P4HA3: variants seen among roughly 807,000 people sequenced by gnomAD.
P4HA3 encodes the protein prolyl 4-hydroxylase subunit alpha-3.
P4HA3 carries 60 observed loss-of-function variants against 66.7 expected under a neutral mutation model. The observed-to-expected ratio is 0.90, with a 90% CI of 0.73 to 1.12. The LOEUF (loss-of-function observed/expected upper bound fraction) is 1.12. P4HA3 is among the 50% of genes most tolerant of loss of function. P4HA3 has a pLI of 0.00. For synonymous variants in P4HA3, 263 were observed against 274.6 expected (o/e 0.96, Z 0.42); for missense variants, 683 against 685.8 (o/e 1.00, Z 0.05).
At chr11:74,276,827 T>C (rs1449156659) in intron 9 of P4HA3, among the ~76,000 whole-genome samples, 158 bp downstream of exon 9, 1 of 152,166 alleles carries the variant, frequency 6.6e-6, no homozygotes, top group African/African-American at 2.4e-5. Context: ...AGCAACAATA[T>C]GCTTGAAACT....
chr11:74,267,196 C>A lies in P4HA3; in HGVS notation c.*52G>T. The A allele has an allele frequency of 1.9e-6, 3 of 1,612,712 alleles. No homozygotes were observed. Among genetic ancestry groups the A allele is most frequent in the Non-Finnish European group, 2.5e-6 (3 of 1,179,708 alleles). On this transcript the variant is annotated 3_prime_UTR_variant, in exon 13 of 13. Transcript: ENST00000331597. ...CCTCTCCTACCCCAGCTTTTGGCTC[C>A]TGGCTTCTCTGGAAAGCCACAGGAC...
chr11:74,289,137 A>T lies in P4HA3; in HGVS notation c.718-7T>A, dbSNP rs1447447289. The T allele has an allele frequency of 5.2e-6, 5 of 962,590 alleles. No individual in the cohort carries two copies. The highest frequency in any genetic ancestry group is 2.8e-5 in the Admixed American group (1 of 35,184). 59.6% of individuals were successfully genotyped at this position (962,590 alleles called of 1,614,324 possible). Reference sequence around the variant, plus strand: ...CACACGAAACATTTCCTGCCTGTTAAAAAAAAAAAAAAGAAAAGAAAGCAT... The same window carrying T: ...CACACGAAACATTTCCTGCCTGTTATAAAAAAAAAAAAGAAAAGAAAGCAT... On this transcript the variant is annotated splice_region_variant and splice_polypyrimidine_tract_variant and intron_variant, in intron 4 of 12. Transcript: ENST00000331597.
rs369653437 is a variant in P4HA3, at chr11:74,268,720, C to T, written c.1468-479G>A. Reference sequence around the variant, plus strand: ...TCAGGGAGCAGGCAGTATCATAATCCCCAGTTTCCTAGCAAAGAACTTGAG... The same window carrying T: ...TCAGGGAGCAGGCAGTATCATAATCTCCAGTTTCCTAGCAAAGAACTTGAG... On this transcript the variant is annotated intron_variant, in intron 11 of 12. Transcript: ENST00000331597. Among the ~76,000 whole-genome samples the T allele has an allele frequency of 3.9e-5, 6 of 152,264 alleles. No individual in the cohort carries two copies. The South Asian group carries it at 1.0e-3, about 26-fold the overall frequency.
At chr11:74,257,453 A>C (rs1406446237) in intron 15 of P4HA3, among the ~76,000 whole-genome samples, 1 of 152,116 alleles carries the variant, frequency 6.6e-6, no homozygotes, top group Non-Finnish European at 1.5e-5. Flanking sequence ...TGAGCCTTGA[A>C]GTATCACAAA....
intron 12 of P4HA3, 62 bp from the exon 13 acceptor site, chr11:74,267,380 C>A (rs1860025924): frequency 6.3e-7 from 1 of 1,591,842 alleles, no homozygotes; most frequent in Non-Finnish European, 8.6e-7. Context: ...AGCAATGCTG[C>A]AGACTGGTGC....
chr11:74,299,520 C>T (rs1861334284), intron 3 of P4HA3, among the ~76,000 whole-genome samples: 1 of 152,148 alleles, frequency 6.6e-6, no homozygotes. Context: ...CTGAACTTTT[C>T]ATGCCAAGTT....
intron 1 of P4HA3, among the ~76,000 whole-genome samples, chr11:74,311,066 T>G (rs1349236472): frequency 6.6e-6 from 1 of 152,082 alleles, no homozygotes; most frequent in African/African-American, 2.4e-5. Context: ...CGCCCCGCTC[T>G]TCCACAGTGT....
intron 2 of P4HA3, among the ~76,000 whole-genome samples, chr11:74,302,863 T>A (rs746610014): frequency 4.6e-5 from 7 of 152,204 alleles, no homozygotes; most frequent in Admixed American, 2.6e-4. Context: ...GGAGTCTCAC[T>A]CTTTAGGGAG....
At chr11:74,310,093 T>C (rs1421971917) in intron 1 of P4HA3, among the ~76,000 whole-genome samples, 1 of 152,204 alleles carries the variant, frequency 6.6e-6, no homozygotes, top group African/African-American at 2.4e-5. Context: ...TGCTCAATGA[T>C]AAGGTCACAT....
chr11:74,274,293 G>GTTTTTTTTTTGTTT (rs891414727), intron 9 of P4HA3, among the ~76,000 whole-genome samples: 1 of 143,726 alleles, frequency 7.0e-6, no homozygotes, highest in African/African-American at 2.6e-5. Flanking sequence ...CCAATTCTTG[G>GTTTTTTTTTTGTTT]TTTTTTTTTT....
chr11:74,282,368 T>C (rs1860637464), intron 7 of P4HA3, among the ~76,000 whole-genome samples: 1 of 152,096 alleles, frequency 6.6e-6, no homozygotes, highest in South Asian at 2.1e-4. Context: ...AATAGGCAAG[T>C]ATAGAATGCC....
rs1335287293 is a variant in P4HA3 at position 74,311,575 on chromosome 11, C to CCGCCAGCAG, written c.28_36dup (p.Leu10_Ala12dup). 1.3e-6 allele frequency: 2 copies of CCGCCAGCAG among 1,535,732 alleles called. No individual in the cohort carries two copies. The highest frequency in any genetic ancestry group is 1.7e-6 in the Non-Finnish European group (2 of 1,152,754). On this transcript the variant is annotated inframe_insertion, in exon 1 of 13. Coordinates refer to ENST00000331597, the MANE Select transcript of P4HA3 (RefSeq NM_182904.5). ...GGGTCTCCTGTCCCGAGCGCCAGCACCGCCAGCAGCGCCGCCAGCCGCGCC... is the reference window on the plus strand; with the variant it reads ...GGGTCTCCTGTCCCGAGCGCCAGCACCGCCAGCAGCGCCAGCAGCGCCGCCAGCCGCGCC...
chr11:74,288,278 TG>T (rs1182212616), intron 5 of P4HA3, among the ~76,000 whole-genome samples: 4 of 152,214 alleles, frequency 2.6e-5, no homozygotes, highest in African/African-American at 9.6e-5. Flanking sequence ...ACCTACTGGC[TG>T]GGCAGGATGC....
chr11:74,252,936 A>G (rs957005256), intron 15 of P4HA3, among the ~76,000 whole-genome samples: 7 of 152,262 alleles, frequency 4.6e-5, no homozygotes, highest in African/African-American at 1.7e-4. Flanking sequence ...AAGGCCTTTG[A>G]TCCTCAGAGA....
intron 4 of P4HA3, among the ~76,000 whole-genome samples, chr11:74,296,791 C>G (rs914823708): frequency 2.0e-5 from 3 of 152,158 alleles, no homozygotes; most frequent in Non-Finnish European, 4.4e-5. Context: ...CTTTCCATGT[C>G]GAATCTCCAT....
intron 9 of P4HA3, among the ~76,000 whole-genome samples, chr11:74,276,436 A>G (rs1860397755): frequency 6.6e-6 from 1 of 151,916 alleles, no homozygotes; most frequent in Non-Finnish European, 1.5e-5. Context: ...GTGTAGTCCT[A>G]GAGCTACTTG....
intron 7 of P4HA3, among the ~76,000 whole-genome samples, chr11:74,282,447 A>G (rs930931772): frequency 4.6e-5 from 7 of 152,198 alleles, no homozygotes; most frequent in South Asian, 2.1e-4. Context: ...GGATGTCCAC[A>G]AGACACACTG....
chr11:74,293,135 T>A (rs995805889), intron 4 of P4HA3, among the ~76,000 whole-genome samples: 1 of 152,074 alleles, frequency 6.6e-6, no homozygotes, highest in Non-Finnish European at 1.5e-5. Context: ...TGCTCCTGTA[T>A]TGGGTGCATA....
intron 15 of P4HA3, among the ~76,000 whole-genome samples, chr11:74,255,252 TCTCTTACACCCACCTCAG>T (rs1180571232): frequency 1.2e-4 from 19 of 152,208 alleles, no homozygotes; most frequent in Non-Finnish European, 2.5e-4. Flanking sequence ...GTGAATGACT[TCTCTTACACCCACCTCAG>T]GTCTACCACC....
Sources: gnomAD v4.1 joint callset for allele counts (sites outside exome capture counted in the v4.1 genomes callset) on GRCh38, gnomAD v4.1.1 for gene constraint, MANE v1.5 for transcripts, NCBI Gene and HGNC (gene_info 2026-07-23, HGNC 2026-07-21) for gene names.